Variants in AHCY observed in about 807,000 individuals in gnomAD.
AHCY encodes the protein S-adenosyl-L-homocysteine hydrolase.
Under a neutral mutation model 45.4 loss-of-function variants are expected in AHCY, and 24 were observed. The observed-to-expected ratio is 0.53, with a 90% CI of 0.38 to 0.74. AHCY has a LOEUF of 0.74. AHCY is among the 30% of genes least tolerant of loss of function. AHCY has a pLI of 0.00. For missense variants in AHCY, 449 were observed against 594.1 expected (o/e 0.76, Z 2.54); for synonymous variants, 245 against 235.1 (o/e 1.04, Z -0.39).
chr20:34,253,451 A>T, the AHCY span, among the ~76,000 whole-genome samples: 2 of 137,710 alleles, frequency 1.5e-5, no homozygotes, highest in Non-Finnish European at 3.0e-5. Context: ...ATTTTATTTT[A>T]TTTATTTATT....
chr20:34,237,975 C>G, the AHCY span, among the ~76,000 whole-genome samples: 1 of 152,240 alleles, frequency 6.6e-6, no homozygotes, highest in Non-Finnish European at 1.5e-5. Flanking sequence ...AGCCCACAGC[C>G]TCTGGCCTCC....
the AHCY span, among the ~76,000 whole-genome samples, chr20:34,248,891 C>T: frequency 3.3e-5 from 5 of 150,450 alleles, no homozygotes; most frequent in East Asian, 5.9e-4. Flanking sequence ...ATTCAACGTT[C>T]GAAGAGAACT....
chr20:34,275,221 C>T, the AHCY span, among the ~76,000 whole-genome samples: 3 of 151,138 alleles, frequency 2.0e-5, no homozygotes, highest in African/African-American at 7.3e-5. Flanking sequence ...CAACCTCCGC[C>T]TCACGGGTTC....
In AHCY at chr20:34,290,667, C is replaced by G. The variant is rs1489929443; in HGVS notation, c.767-29G>C. Reference sequence around the variant, plus strand: ...TGCAGAGACAGTGGCTGTGGGTCATCTACGGTGGCCTTGCCCCTCCCTCTG... The same window carrying G: ...TGCAGAGACAGTGGCTGTGGGTCATGTACGGTGGCCTTGCCCCTCCCTCTG... On this transcript the variant is annotated intron_variant, in intron 6 of 9. Coordinates refer to ENST00000217426, the MANE Select transcript of AHCY (RefSeq NM_000687.4). This position sits in a 1 kb window ranked among gnomAD's most constrained non-coding sequence, Gnocchi z 4.5. 6.2e-7 allele frequency: 1 copy of G among 1,614,026 alleles called. No individual in the cohort carries two copies. Among genetic ancestry groups the G allele is most frequent in the Non-Finnish European group, 8.5e-7 (1 of 1,179,964 alleles).
chr20:34,272,162 A>C, the AHCY span, among the ~76,000 whole-genome samples: 1 of 152,182 alleles, frequency 6.6e-6, no homozygotes. Context: ...TGGACCATTC[A>C]AAGTAATTCC....
At chr20:34,293,550 G>A (rs2036472392) in intron 3 of AHCY, 2 of 247,498 alleles carry the variant, frequency 8.1e-6, no homozygotes, top group African/African-American at 4.5e-5. Flanking sequence ...CTGTGAAGGA[G>A]TGCTGTGCCA....
At chr20:34,264,172 T>C in the AHCY span, among the ~76,000 whole-genome samples, 2 of 152,134 alleles carry the variant, frequency 1.3e-5, no homozygotes, top group South Asian at 2.1e-4. Context: ...CCAAAACATA[T>C]GTACACACAG....
At chr20:34,242,536 C>A in the AHCY span, among the ~76,000 whole-genome samples, 2 of 152,198 alleles carry the variant, frequency 1.3e-5, no homozygotes, top group African/African-American at 4.8e-5. Context: ...CCCAGCCAGT[C>A]ATTTTGGGTT....
chr20:34,271,840 CAG>C, the AHCY span, among the ~76,000 whole-genome samples: 349 of 152,246 alleles, frequency 2.3e-3, 3 homozygotes, highest in African/African-American at 8.2e-3. Context: ...TCTGGGATTA[CAG>C]GCTATGAGCC....
intron 1 of AHCY, chr20:34,302,741 G>C: frequency 2.0e-6 from 2 of 990,262 alleles, no homozygotes; most frequent in Non-Finnish European, 2.4e-6. Context: ...AAAGTCCCAG[G>C]GGAGAGGAGG....
the AHCY span, among the ~76,000 whole-genome samples, chr20:34,252,905 A>G: frequency 6.6e-6 from 1 of 152,206 alleles, no homozygotes; most frequent in African/African-American, 2.4e-5. Context: ...AAACATGTTA[A>G]CAAGGCACAT....
the AHCY span, among the ~76,000 whole-genome samples, chr20:34,270,003 G>A: frequency 6.3e-5 from 9 of 142,058 alleles, no homozygotes; most frequent in South Asian, 1.7e-3. Flanking sequence ...AGAAATCCGA[G>A]GCTGGACGAT....
intron 1 of AHCY, among the ~76,000 whole-genome samples, chr20:34,309,228 G>A (rs1197326850): frequency 6.6e-6 from 1 of 152,118 alleles, no homozygotes; most frequent in Non-Finnish European, 1.5e-5. Flanking sequence ...CCAAAGTGTT[G>A]AGATTACAGG....
In AHCY at chr20:34,281,681, T is replaced by G. The variant is rs555608978; in HGVS notation, c.1168-516A>C. ...GTTTGGATCCGAGAATAAAGTTCTT[T>G]TTTTTGTGACAGAGTCTCATTCGGA... On this transcript the variant is annotated intron_variant, in intron 9 of 9. Transcript: ENST00000217426. The G allele has an allele frequency of 8.3e-4, 168 of 202,272 alleles. 2 individuals are homozygous for G. The highest frequency in any genetic ancestry group is 3.7e-3 in the African/African-American group (161 of 43,236). 12.5% of individuals were successfully genotyped at this position (202,272 alleles called of 1,614,324 possible).
chr20:34,239,963 G>A, the AHCY span, among the ~76,000 whole-genome samples: 16 of 152,262 alleles, frequency 1.1e-4, 1 homozygote, highest in East Asian at 1.9e-4. Context: ...AAAACATAGC[G>A]ATGAATCTCT....
chr20:34,259,378 T>C, the AHCY span, among the ~76,000 whole-genome samples: 1 of 151,926 alleles, frequency 6.6e-6, no homozygotes. Flanking sequence ...CCAGGTGTGG[T>C]GGTGGGCACC....
the AHCY span, among the ~76,000 whole-genome samples, chr20:34,254,787 C>T: frequency 4.6e-5 from 7 of 152,262 alleles, no homozygotes; most frequent in East Asian, 1.3e-3. Context: ...TACAACTAAA[C>T]ATTATGGACC....
chr20:34,249,780 A>G, the AHCY span, among the ~76,000 whole-genome samples: 1 of 152,232 alleles, frequency 6.6e-6, no homozygotes, highest in Non-Finnish European at 1.5e-5. Context: ...TATGCAGAAC[A>G]TAAAGCAACT....
At chr20:34,260,277 C>T in the AHCY span, 3 of 1,387,098 alleles carry the variant, frequency 2.2e-6, no homozygotes, top group African/African-American at 4.3e-5. Flanking sequence ...GGTCACAACA[C>T]CAGCCCAAAG....
Sources: gnomAD v4.1 joint callset for allele counts (sites outside exome capture counted in the v4.1 genomes callset) on GRCh38, gnomAD v4.1.1 for gene constraint, Gnocchi (gnomAD v3.1) non-coding constraint, MANE v1.5 for transcripts, NCBI Gene and HGNC (gene_info 2026-07-23, HGNC 2026-07-21) for gene names.